CADM1: variants seen among roughly 807,000 people sequenced by gnomAD.
The protein encoded by CADM1 is cell adhesion molecule 1.
CADM1 carries 15 observed loss-of-function variants against 53.1 expected under a neutral mutation model. The ratio of observed to expected loss-of-function variants is 0.28; its 90% CI spans 0.19 to 0.44. The LOEUF is 0.44. Ranked by LOEUF, CADM1 falls within the 20% of genes least tolerant of loss-of-function variation. CADM1 has a pLI of 1.00. For missense variants in CADM1, 434 were observed against 611.3 expected (o/e 0.71, Z 3.06); for synonymous variants, 281 against 243.0 (o/e 1.16, Z -1.45).
chr11:115,388,227 G>C (rs1321726335), intron 1 of CADM1, among the ~76,000 whole-genome samples: 3 of 152,178 alleles, frequency 2.0e-5, no homozygotes, highest in African/African-American at 4.8e-5. Context: ...TGGATAGACA[G>C]ACTGACAGAC....
chr11:115,304,539 A>G (rs1479772601), intron 1 of CADM1, among the ~76,000 whole-genome samples: 1 of 152,052 alleles, frequency 6.6e-6, no homozygotes, highest in Non-Finnish European at 1.5e-5. Context: ...TAACTATGGC[A>G]TAATAAACAG....
intron 1 of CADM1, among the ~76,000 whole-genome samples, chr11:115,467,695 T>A (rs1353658056): frequency 1.3e-5 from 2 of 152,200 alleles, no homozygotes; most frequent in African/African-American, 4.8e-5. Context: ...ATTGTAATTT[T>A]AAAATTGTCT....
At chr11:115,223,459 A>C (rs927375648) in intron 5 of CADM1, among the ~76,000 whole-genome samples, 2 of 152,190 alleles carry the variant, frequency 1.3e-5, no homozygotes, top group Admixed American at 6.6e-5. Context: ...TGTGCATTAG[A>C]AGACTGGTTT....
chr11:115,502,730 G>A (rs1324800373), intron 1 of CADM1, among the ~76,000 whole-genome samples: 2 of 152,128 alleles, frequency 1.3e-5, no homozygotes, highest in Non-Finnish European at 2.9e-5. Context: ...GGGGCAAGCA[G>A]CCAACCCGGC....
chr11:115,395,187 TG>T (rs1319219459), intron 1 of CADM1, among the ~76,000 whole-genome samples: 1 of 152,164 alleles, frequency 6.6e-6, no homozygotes, highest in African/African-American at 2.4e-5. Context: ...TCACAATCTT[TG>T]GGGGTGACAG....
chr11:115,301,698 G>A (rs962968208), intron 1 of CADM1, among the ~76,000 whole-genome samples: 1 of 152,030 alleles, frequency 6.6e-6, no homozygotes. Context: ...TTCCAATCCA[G>A]ACTTCGCTGT....
intron 1 of CADM1, among the ~76,000 whole-genome samples, chr11:115,463,857 T>C (rs1948842998): frequency 7.4e-6 from 1 of 135,170 alleles, no homozygotes; most frequent in Non-Finnish European, 1.6e-5. Context: ...AAAGCTTTTT[T>C]TTTTTGGGCC....
At chr11:115,201,380 G>T (rs536837870) in intron 8 of CADM1, among the ~76,000 whole-genome samples, 8 of 152,286 alleles carry the variant, frequency 5.3e-5, no homozygotes, top group Admixed American at 1.3e-4. Flanking sequence ...TGTGCTCCCT[G>T]CAGGAGACCA....
chr11:115,304,264 A>G (rs907663889), intron 1 of CADM1, among the ~76,000 whole-genome samples: 2 of 152,046 alleles, frequency 1.3e-5, no homozygotes, highest in Non-Finnish European at 2.9e-5. Context: ...TTTTATAATC[A>G]TCTTCACAGC....
intron 1 of CADM1, among the ~76,000 whole-genome samples, chr11:115,485,557 C>T (rs944185954): frequency 6.6e-6 from 1 of 152,178 alleles, no homozygotes; most frequent in Non-Finnish European, 1.5e-5. Flanking sequence ...TTCCCCCATA[C>T]TGTTTGCTTG....
At chr11:115,346,691 G>C (rs1278258620) in intron 1 of CADM1, among the ~76,000 whole-genome samples, 1 of 152,156 alleles carries the variant, frequency 6.6e-6, no homozygotes, top group Non-Finnish European at 1.5e-5. Flanking sequence ...AGCTGTCAGA[G>C]AGAGGCCCGG....
Position 115,414,085 on chromosome 11 carries a change from A to G in CADM1, c.124+90186T>C, listed in dbSNP as rs557794129. 9.8e-5 allele frequency among the ~76,000 whole-genome samples: 15 copies of G among 152,294 alleles called. No homozygotes were observed. The South Asian group carries it at 3.1e-3, about 32-fold the overall frequency. On this transcript the variant is annotated intron_variant, in intron 1 of 11. Transcript: ENST00000331581. ...TATACACACACACACAAAGCATACA[A>G]TTGTTAATCTGTTAACTAAGGCAAA...
At chr11:115,295,759 C>T (rs1944061395) in intron 1 of CADM1, among the ~76,000 whole-genome samples, 1 of 151,592 alleles carries the variant, frequency 6.6e-6, no homozygotes, top group Non-Finnish European at 1.5e-5. Flanking sequence ...GGTTTTTGAT[C>T]AAACTAGCCT....
At chr11:115,223,971 A>AGAGAG (rs1470723432) in intron 5 of CADM1, among the ~76,000 whole-genome samples, 53 of 16,976 alleles carry the variant, frequency 3.1e-3, no homozygotes, top group African/African-American at 7.1e-3. Context: ...AAAAAAAAAA[A>AGAGAG]AAAGAGAGAG....
intron 1 of CADM1, among the ~76,000 whole-genome samples, chr11:115,314,530 T>C (rs1944610838): frequency 2.0e-5 from 3 of 152,182 alleles, no homozygotes; most frequent in East Asian, 1.9e-4. Context: ...CAAGAGTCTA[T>C]GACTAAGACT....
intron 10 of CADM1, 105 bp downstream of exon 10, chr11:115,190,783 A>G: frequency 1.1e-6 from 1 of 938,232 alleles, no homozygotes; most frequent in Non-Finnish European, 1.6e-6. Context: ...GTTAGTCTCA[A>G]AATCCACACT....
intron 1 of CADM1, among the ~76,000 whole-genome samples, chr11:115,326,905 C>A (rs1407813183): frequency 2.6e-5 from 4 of 152,136 alleles, no homozygotes; most frequent in Non-Finnish European, 5.9e-5. Flanking sequence ...TCTGAGAGGA[C>A]TGTATAAAAT....
At chr11:115,462,536 A>G (rs1948818680) in intron 1 of CADM1, among the ~76,000 whole-genome samples, 1 of 152,154 alleles carries the variant, frequency 6.6e-6, no homozygotes, top group Non-Finnish European at 1.5e-5. Context: ...GCCGCATCTC[A>G]TCTCACACAG....
chr11:115,249,441 T>TAA (rs1942518422), intron 1 of CADM1, among the ~76,000 whole-genome samples: 5 of 152,246 alleles, frequency 3.3e-5, no homozygotes, highest in Non-Finnish European at 5.9e-5. Context: ...CCGGTGTTGT[T>TAA]GGTCACAGGC....
Sources: allele counts gnomAD v4.1 joint callset (sites outside exome capture counted in the v4.1 genomes callset), GRCh38; gene constraint gnomAD v4.1.1; transcripts MANE v1.5; gene names NCBI Gene and HGNC (gene_info 2026-07-23, HGNC 2026-07-21).